Variants in MYO18B observed in about 807,000 individuals in gnomAD.
MYO18B encodes the protein myosin XVIIIB, also known as unconventional myosin-XVIIIb.
Under a neutral mutation model 273.0 loss-of-function variants are expected in MYO18B, and 204 were observed. The ratio of observed to expected loss-of-function variants is 0.75; its 90% CI spans 0.67 to 0.84. MYO18B has a LOEUF of 0.84. Ranked by LOEUF, MYO18B falls within the 40% of genes least tolerant of loss-of-function variation. The probability of loss-of-function intolerance (pLI) is 0.00; values close to 1 mark genes in which losing one functional copy is unlikely to be tolerated. For missense variants in MYO18B, 3,212 were observed against 3,287.6 expected, an observed-to-expected ratio of 0.98 and a Z score of 0.56; for synonymous variants, 1,330 against 1,305.7, an observed-to-expected ratio of 1.02 and a Z score of -0.40.
At chr22:25,946,969 T>A (rs918041574) in intron 35 of MYO18B, among the ~76,000 whole-genome samples, 3 of 152,216 alleles carry the variant, frequency 2.0e-5, no homozygotes. Context: ...GTCCCCTATC[T>A]GGGTGTACAG....
chr22:26,026,516 A>T lies in MYO18B; in HGVS notation c.6542A>T (p.Asn2181Ile). Residue 2181 changes from asparagine to isoleucine, a missense_variant, in exon 43 of 44, where the codon AAT (asparagine) becomes ATT (isoleucine). Transcript: ENST00000335473. ...GCACTGAGCAGAGCCCGGTCCACCA[A>T]TGTCCACAGCAAGACCTCAGGAGAC... ...ALALSRARST[N>I]VHSKTSGDKP... is the part of the protein sequence containing the mutation. 1 of 1,613,902 alleles carries T rather than the reference A, an allele frequency of 6.2e-7. No homozygotes were observed. The highest frequency in any genetic ancestry group is 1.3e-5 in the African/African-American group (1 of 75,042).
chr22:26,040,844 G>A, the MYO18B span, among the ~76,000 whole-genome samples: 1 of 152,150 alleles, frequency 6.6e-6, no homozygotes, highest in African/African-American at 2.4e-5. Flanking sequence ...GAGGTGATGA[G>A]GGTCAGATGA....
At chr22:25,978,520 G>C (rs2093117175) in intron 39 of MYO18B, among the ~76,000 whole-genome samples, 1 of 152,212 alleles carries the variant, frequency 6.6e-6, no homozygotes. Flanking sequence ...ACAAAGTTGG[G>C]ACTGTGGGAA....
intron 34 of MYO18B, among the ~76,000 whole-genome samples, chr22:25,942,431 ACT>A: frequency 6.6e-6 from 1 of 152,342 alleles, no homozygotes; most frequent in South Asian, 2.1e-4. Context: ...GCACGAAACC[ACT>A]GAGCTGTTTT....
chr22:25,908,004 G>A (rs959719142), intron 31 of MYO18B, among the ~76,000 whole-genome samples: 23 of 143,312 alleles, frequency 1.6e-4, no homozygotes, highest in African/African-American at 5.4e-4. Flanking sequence ...TGGCACTCCA[G>A]CCTAGGCAAC....
At chr22:26,003,436 C>T in intron 41 of MYO18B, 127 bp downstream of exon 41, 3 of 810,568 alleles carry the variant, frequency 3.7e-6, no homozygotes, top group South Asian at 1.5e-5. Context: ...AGACTAATGC[C>T]TTCATGGTCA....
intron 12 of MYO18B, among the ~76,000 whole-genome samples, chr22:25,812,899 A>G (rs890704295): frequency 6.6e-6 from 1 of 152,054 alleles, no homozygotes; most frequent in Non-Finnish European, 1.5e-5. Context: ...AATCATGGTC[A>G]CCTGACTCCT....
intron 18 of MYO18B, among the ~76,000 whole-genome samples, chr22:25,845,717 G>A (rs1210992525): frequency 1.3e-5 from 2 of 152,234 alleles, no homozygotes; most frequent in Admixed American, 6.5e-5. Context: ...CACATGGCAC[G>A]TGCCTACTGT....
At chr22:25,794,500 G>T (rs12169768) in intron 11 of MYO18B, among the ~76,000 whole-genome samples, 50,459 of 149,156 alleles carry the variant, frequency 0.34, 8,891 homozygotes, top group East Asian at 0.62. Context: ...TATTATTATT[G>T]TTTATTATTT....
chr22:25,910,198 A>G (rs2092128622), intron 32 of MYO18B, among the ~76,000 whole-genome samples: 1 of 152,192 alleles, frequency 6.6e-6, no homozygotes, highest in Non-Finnish European at 1.5e-5. Flanking sequence ...GGCTTAAATG[A>G]TAACATTTAT....
rs752795120 is a variant in MYO18B, at chr22:25,777,758, G to C, written c.2045G>C (p.Gly682Ala). ...CTGGAACACCTGGTGGGGATGGCAGGCAGTGTGGATGGCAGGGTCTCAGGT... is the reference window on the plus strand; with the variant it reads ...CTGGAACACCTGGTGGGGATGGCAGCCAGTGTGGATGGCAGGGTCTCAGGT... ...QVLEHLVGMA[G>A]SVDGRVSVEK... Residue 682 changes from glycine (G) to alanine (A), a missense_variant, in exon 8 of 44, where the codon GGC (glycine) becomes GCC (alanine). Transcript: ENST00000335473. 37 of 1,605,650 alleles carry C rather than the reference G, an allele frequency of 2.3e-5. No individual in the cohort carries two copies. Among genetic ancestry groups the C allele is most frequent in the Non-Finnish European group, 2.8e-5 (33 of 1,175,918 alleles).
At chr22:25,862,696 AT>A (rs1283561742) in intron 21 of MYO18B, among the ~76,000 whole-genome samples, 1 of 152,112 alleles carries the variant, frequency 6.6e-6, no homozygotes, top group East Asian at 1.9e-4. Context: ...TCAGCCACTA[AT>A]TGTTTTGATG....
intron 15 of MYO18B, among the ~76,000 whole-genome samples, chr22:25,832,669 G>A (rs1221591181): frequency 6.6e-6 from 1 of 152,198 alleles, no homozygotes; most frequent in Non-Finnish European, 1.5e-5. Flanking sequence ...GATGAAGAAA[G>A]TTCTGGAGAT....
downstream of MYO18B, among the ~76,000 whole-genome samples, chr22:26,034,607 G>A (rs1936743594): frequency 6.6e-6 from 1 of 152,212 alleles, no homozygotes; most frequent in South Asian, 2.1e-4. Context: ...TGGCGTCCCT[G>A]CTGATGTAAC....
At chr22:26,013,424 A>G (rs1935068081) in intron 42 of MYO18B, among the ~76,000 whole-genome samples, 1 of 152,226 alleles carries the variant, frequency 6.6e-6, no homozygotes, top group Admixed American at 6.5e-5. Flanking sequence ...ATAGAGTAAT[A>G]ATTAATTTAT....
At position 25,868,313 on chromosome 22, in the gene MYO18B, TC is replaced by T; in HGVS notation, c.3886-3del. On this transcript the variant is annotated splice_polypyrimidine_tract_variant and splice_region_variant and intron_variant, in intron 21 of 43. Coordinates refer to ENST00000335473, the MANE Select transcript of MYO18B (RefSeq NM_032608.7). Reference sequence around the variant, plus strand: ...GCTGTCTAACTTCTCTCTAATTTTTTCCCCAGGCCGTGGAGGAGCTCCTGGA... The same window carrying T: ...GCTGTCTAACTTCTCTCTAATTTTTTCCCAGGCCGTGGAGGAGCTCCTGGA... 1 of 1,596,608 alleles carries T rather than the reference TC, an allele frequency of 6.3e-7. No individual in the cohort carries two copies.
intron 34 of MYO18B, among the ~76,000 whole-genome samples, chr22:25,937,327 G>C (rs866077941): frequency 1.3e-5 from 2 of 151,892 alleles, no homozygotes; most frequent in South Asian, 4.2e-4. Flanking sequence ...CAACCGATTC[G>C]TTTGCCTCGG....
chr22:26,054,183 C>G, the MYO18B span, among the ~76,000 whole-genome samples: 165 of 152,288 alleles, frequency 1.1e-3, no homozygotes, highest in African/African-American at 3.8e-3. Flanking sequence ...GTCCCAGGAC[C>G]ATGAATAAAT....
chr22:26,017,982 T>C (rs1409783702), intron 42 of MYO18B, among the ~76,000 whole-genome samples: 2 of 123,808 alleles, frequency 1.6e-5, no homozygotes, highest in East Asian at 6.0e-4. Context: ...TTTTTTTTTT[T>C]TTTTTTTTGC....
Sources: allele counts gnomAD v4.1 joint callset (sites outside exome capture counted in the v4.1 genomes callset), GRCh38; gene constraint gnomAD v4.1.1; transcripts MANE v1.5; gene names NCBI Gene and HGNC (gene_info 2026-07-23, HGNC 2026-07-21).